Variants in PCDH15 observed in about 807,000 individuals in gnomAD.
The protein encoded by PCDH15 is protocadherin related 15, also known as protocadherin-15.
PCDH15 carries 129 observed loss-of-function variants against 178.5 expected under a neutral mutation model. That is an observed-to-expected ratio of 0.72 (90% confidence interval 0.63 to 0.84). The LOEUF (loss-of-function observed/expected upper bound fraction) is 0.84. Ranked by LOEUF, PCDH15 falls within the 40% of genes least tolerant of loss-of-function variation. PCDH15 has a pLI of 0.00. For synonymous variants in PCDH15, 800 were observed against 732.0 expected (o/e 1.09, Z -1.50); for missense variants, 2,230 against 2,099.9 (o/e 1.06, Z -1.21).
intron 2 of PCDH15, among the ~76,000 whole-genome samples, chr10:55,593,705 A>T (rs930845470): frequency 6.6e-6 from 1 of 151,858 alleles, no homozygotes; most frequent in African/African-American, 2.4e-5. Flanking sequence ...AGCCATTTTC[A>T]AAGACTGATT....
At position 54,295,710 on chromosome 10, in the gene PCDH15, G is replaced by A. The variant is rs911448964; in HGVS notation, c.876+21561C>T. Among the ~76,000 whole-genome samples, 8 of 152,158 alleles carry A rather than the reference G, an allele frequency of 5.3e-5. No homozygotes were observed. In the East Asian group the frequency reaches 7.7e-4, roughly 15 times the overall value. On this transcript the variant is annotated intron_variant, in intron 8 of 37. Coordinates refer to ENST00000644397, the MANE Select transcript of PCDH15 (RefSeq NM_001384140.1). ...AGCAAGACCAAGAACCCAGTGGAAG[G>A]AACAAATTCCAGACACATTTGGCAA...
In PCDH15 at chr10:53,822,001, G is replaced by GTAGA. The variant is rs568470164; in HGVS notation, c.4368-1775_4368-1772dup. ...GTTTGAAGTTCTGAAACATTTGTGC[G>GTAGA]TAGATAGTTTTTTTCTATTTGACTG... On this transcript the variant is annotated intron_variant, in intron 32 of 37. Coordinates refer to ENST00000644397, the MANE Select transcript of PCDH15 (RefSeq NM_001384140.1). 2.5e-5 allele frequency: 40 copies of GTAGA among 1,613,814 alleles called. No individual in the cohort carries two copies. The African/African-American group carries it at 2.9e-4, about 12-fold the overall frequency.
At chr10:55,199,402 G>A (rs1210916615) in intron 1 of PCDH15, among the ~76,000 whole-genome samples, 1 of 152,002 alleles carries the variant, frequency 6.6e-6, no homozygotes, top group Admixed American at 6.6e-5. Flanking sequence ...AAGCAGCAAG[G>A]CATTCAATAT....
intron 1 of PCDH15, among the ~76,000 whole-genome samples, chr10:55,268,821 G>C (rs571754492): frequency 6.6e-6 from 1 of 152,128 alleles, no homozygotes; most frequent in Non-Finnish European, 1.5e-5. Context: ...AATTTTAATA[G>C]TGACTAGATA....
intron 8 of PCDH15, among the ~76,000 whole-genome samples, chr10:54,276,778 A>T (rs1223117009): frequency 6.6e-6 from 1 of 151,800 alleles, no homozygotes; most frequent in South Asian, 2.1e-4. Context: ...TCACAAAAAC[A>T]TAAGTTTGAG....
intron 2 of PCDH15, among the ~76,000 whole-genome samples, chr10:54,929,868 T>C (rs1837725649): frequency 6.6e-6 from 1 of 152,224 alleles, no homozygotes; most frequent in Admixed American, 6.5e-5. Flanking sequence ...TTCTAATATC[T>C]GGTCTGCTGT....
At chr10:54,529,700 A>G (rs1032952547) in intron 2 of PCDH15, among the ~76,000 whole-genome samples, 4 of 152,110 alleles carry the variant, frequency 2.6e-5, no homozygotes, top group African/African-American at 9.6e-5. Context: ...TTTTTGTAGA[A>G]TTAGATATTT....
intron 2 of PCDH15, among the ~76,000 whole-genome samples, chr10:55,472,307 T>A (rs1202752839): frequency 6.6e-6 from 1 of 152,214 alleles, no homozygotes; most frequent in Non-Finnish European, 1.5e-5. Context: ...CCAATTATGC[T>A]TTCAACTTAA....
intron 8 of PCDH15, among the ~76,000 whole-genome samples, chr10:54,294,496 A>C (rs1209326100): frequency 6.6e-6 from 1 of 152,230 alleles, no homozygotes; most frequent in African/African-American, 2.4e-5. Flanking sequence ...TGCCTCAAAT[A>C]GATATAACGC....
chr10:55,165,522 T>A lies in PCDH15; in HGVS notation c.-80+1054A>T, dbSNP rs374943765. Reference sequence around the variant, plus strand: ...CAAATCCCCCTGCAAAACAGCATTTTATACATTAAAAAGTATAAAATGGTA... The same window carrying A: ...CAAATCCCCCTGCAAAACAGCATTTAATACATTAAAAAGTATAAAATGGTA... On this transcript the variant is annotated intron_variant, in intron 2 of 5. Coordinates refer to the PCDH15 transcript ENST00000458638. 9.9e-5 allele frequency among the ~76,000 whole-genome samples: 15 copies of A among 152,094 alleles called. No homozygotes were observed. The East Asian group carries it at 2.7e-3, about 27-fold the overall frequency.
intron 1 of PCDH15, among the ~76,000 whole-genome samples, chr10:54,727,887 G>A (rs1165773928): frequency 6.6e-6 from 1 of 151,374 alleles, no homozygotes; most frequent in East Asian, 2.0e-4. Context: ...GAACCAGAAA[G>A]AAATTGCAAC....
At chr10:54,295,145 G>A (rs1311183969) in intron 8 of PCDH15, among the ~76,000 whole-genome samples, 2 of 152,104 alleles carry the variant, frequency 1.3e-5, no homozygotes. Context: ...AGTGAGAGGT[G>A]AAGCCAGCTG....
intron 18 of PCDH15, among the ~76,000 whole-genome samples, chr10:54,043,778 T>A (rs1285503924): frequency 6.6e-6 from 1 of 152,092 alleles, no homozygotes; most frequent in East Asian, 1.9e-4. Context: ...TCTGGGCACA[T>A]GTGGCTACAA....
chr10:54,034,178 TAAC>T (rs2093364203), intron 18 of PCDH15, among the ~76,000 whole-genome samples: 1 of 151,970 alleles, frequency 6.6e-6, no homozygotes, highest in South Asian at 2.1e-4. Flanking sequence ...GCTAATATAA[TAAC>T]TATTTAATGA....
chr10:55,429,459 T>C (rs1283193341), intron 2 of PCDH15, among the ~76,000 whole-genome samples: 1 of 152,168 alleles, frequency 6.6e-6, no homozygotes, highest in Admixed American at 6.5e-5. Context: ...GTCATGCTTA[T>C]GTTATATATC....
intron 5 of PCDH15, among the ~76,000 whole-genome samples, chr10:54,362,871 T>TA (rs1170715144): frequency 6.6e-6 from 1 of 152,104 alleles, no homozygotes; most frequent in Admixed American, 6.6e-5. Flanking sequence ...TATCAAGTTT[T>TA]AAAAAGTGTT....
chr10:54,558,627 T>C (rs2087632657), intron 2 of PCDH15, among the ~76,000 whole-genome samples: 1 of 152,124 alleles, frequency 6.6e-6, no homozygotes, highest in Non-Finnish European at 1.5e-5. Context: ...GTAACTTCTA[T>C]AACATTTAAA....
chr10:54,024,402 A>G (rs2093019921), intron 18 of PCDH15, among the ~76,000 whole-genome samples: 1 of 152,174 alleles, frequency 6.6e-6, no homozygotes, highest in African/African-American at 2.4e-5. Flanking sequence ...AGGTCCATAA[A>G]GCGTGGAATG....
chr10:55,625,965 C>T (rs111300828), intron 2 of PCDH15, among the ~76,000 whole-genome samples: 80 of 152,160 alleles, frequency 5.3e-4, no homozygotes, highest in East Asian at 2.7e-3. Flanking sequence ...CCTAGGCATA[C>T]GTAGTATATA....
Sources: gnomAD v4.1 joint callset for allele counts (sites outside exome capture counted in the v4.1 genomes callset) on GRCh38, gnomAD v4.1.1 for gene constraint, MANE v1.5 for transcripts, NCBI Gene and HGNC (gene_info 2026-07-23, HGNC 2026-07-21) for gene names.